The following CTNNA2 variants were observed in gnomAD, a reference collection of about 807,000 sequenced individuals.
CTNNA2 encodes the protein catenin alpha-2.
Under a neutral mutation model 101.0 loss-of-function variants are expected in CTNNA2, and 42 were observed. The ratio of observed to expected loss-of-function variants is 0.42; its 90% confidence interval spans 0.32 to 0.54. The LOEUF (loss-of-function observed/expected upper bound fraction) is 0.54. CTNNA2 is among the 20% of genes least tolerant of loss of function. The pLI, the probability that CTNNA2 is intolerant of heterozygous loss-of-function variation, is 0.14. For missense variants in CTNNA2, 871 were observed against 1,223.1 expected (o/e 0.71, Z 4.29); for synonymous variants, 450 against 456.4 (o/e 0.99, Z 0.18).
chr2:80,646,873 T>G (rs999149238), intron 18 of CTNNA2, among the ~76,000 whole-genome samples: 2 of 152,018 alleles, frequency 1.3e-5, no homozygotes, highest in African/African-American at 2.4e-5. Context: ...ATGTATCAGC[T>G]CTCTCATTCT....
chr2:79,538,643 T>G (rs1286590235), intron 1 of CTNNA2, among the ~76,000 whole-genome samples: 2 of 151,964 alleles, frequency 1.3e-5, no homozygotes, highest in Admixed American at 1.3e-4. Context: ...TGACCCAAAG[T>G]AGGGGAGCTC....
rs1553385613 is a variant in CTNNA2, at chr2:79,243,003, C to CACACACAT, written c.-406+44934_-406+44935insTACACACA. ...ATATATATATATATATACACACACA[C>CACACACAT]ACACACACACACACACACACACACA... On this transcript the variant is annotated intron_variant, in intron 2 of 21. Coordinates refer to the CTNNA2 transcript ENST00000466387. 6.5e-3 allele frequency among the ~76,000 whole-genome samples: 879 copies of CACACACAT among 134,286 alleles called. 10 individuals are homozygous for CACACACAT. Among genetic ancestry groups the CACACACAT allele is most frequent in the South Asian group, 8.5e-3 (35 of 4,110 alleles). 88.1% of individuals were successfully genotyped at this position (134,286 alleles called of 152,430 possible). A position where few individuals can be genotyped will look rare whatever the true frequency, so the allele number is the denominator to read the frequency against.
chr2:80,031,249 C>T (rs114216203), intron 7 of CTNNA2, among the ~76,000 whole-genome samples: 313 of 152,250 alleles, frequency 2.1e-3, no homozygotes, highest in African/African-American at 6.8e-3. Flanking sequence ...GTATATAACA[C>T]GTTAACATTG....
At chr2:80,102,146 A>G (rs1700585862) in intron 7 of CTNNA2, among the ~76,000 whole-genome samples, 1 of 152,134 alleles carries the variant, frequency 6.6e-6, no homozygotes, top group African/African-American at 2.4e-5. Context: ...TTAGTAGGCA[A>G]TGAGTATTTG....
At chr2:80,354,972 A>G (rs558209113) in intron 7 of CTNNA2, among the ~76,000 whole-genome samples, 83 of 152,172 alleles carry the variant, frequency 5.5e-4, no homozygotes, top group African/African-American at 1.9e-3. Context: ...TTGTACAGGG[A>G]GTGCACTTAG....
chr2:79,410,600 A>G (rs1305298371), intron 4 of CTNNA2, among the ~76,000 whole-genome samples: 5 of 151,992 alleles, frequency 3.3e-5, no homozygotes, highest in Admixed American at 2.0e-4. Flanking sequence ...GCTGGATTAC[A>G]TTTATTGATT....
At chr2:80,273,719 C>T (rs1673677091) in intron 7 of CTNNA2, among the ~76,000 whole-genome samples, 1 of 152,044 alleles carries the variant, frequency 6.6e-6, no homozygotes, top group Admixed American at 6.6e-5. Context: ...ATAGTCTCCT[C>T]TGCTTGCAAT....
intron 7 of CTNNA2, among the ~76,000 whole-genome samples, chr2:80,066,016 T>G (rs1697962787): frequency 6.6e-6 from 1 of 152,204 alleles, no homozygotes; most frequent in African/African-American, 2.4e-5. Context: ...TGGTGACTAG[T>G]ACTCCCACTA....
intron 9 of CTNNA2, among the ~76,000 whole-genome samples, chr2:80,480,141 T>C (rs1181653796): frequency 2.0e-5 from 3 of 152,116 alleles, no homozygotes; most frequent in Non-Finnish European, 2.9e-5. Flanking sequence ...TATTTGCATG[T>C]TAATATAATT....
chr2:79,605,984 T>G (rs1463818046), intron 1 of CTNNA2, among the ~76,000 whole-genome samples: 1 of 152,192 alleles, frequency 6.6e-6, no homozygotes, highest in East Asian at 1.9e-4. Context: ...ATTACATTTT[T>G]AAAATGCTGA....
Position 79,222,077 on chromosome 2 carries a change from C to T in CTNNA2, c.-406+24001C>T, listed in dbSNP as rs994457290. On this transcript the variant is annotated intron_variant, in intron 2 of 21. Coordinates refer to the CTNNA2 transcript ENST00000466387. ...TGGTGCCCCATTCCAGGAGAGAGTTCTCAGAACTGGCTGTGTTCAGAGAGC... is the reference window on the plus strand; with the variant it reads ...TGGTGCCCCATTCCAGGAGAGAGTTTTCAGAACTGGCTGTGTTCAGAGAGC... Among the ~76,000 whole-genome samples, 16 of 152,256 alleles carry T rather than the reference C, an allele frequency of 1.1e-4. 1 individual carries two copies. Among genetic ancestry groups the T allele is most frequent in the African/African-American group, 3.9e-4 (16 of 41,550 alleles).
At chr2:80,232,365 T>G (rs796977808) in intron 7 of CTNNA2, among the ~76,000 whole-genome samples, 26,620 of 70,846 alleles carry the variant, frequency 0.38, 4,140 homozygotes, top group South Asian at 0.51. Context: ...TTTTTTTTTT[T>G]TTTTTTTTTT....
At chr2:79,797,994 A>G (rs1039148560) in intron 3 of CTNNA2, among the ~76,000 whole-genome samples, 1 of 151,960 alleles carries the variant, frequency 6.6e-6, no homozygotes, top group Non-Finnish European at 1.5e-5. Flanking sequence ...TTTTTCTCAT[A>G]TGTATATTCC....
chr2:79,849,419 A>G (rs1400796656), intron 3 of CTNNA2, among the ~76,000 whole-genome samples: 3 of 152,038 alleles, frequency 2.0e-5, no homozygotes, highest in African/African-American at 7.2e-5. Flanking sequence ...CTTGGTGCTT[A>G]AAGTGTCCAC....
At chr2:79,670,915 A>G (rs751097684) in intron 2 of CTNNA2, among the ~76,000 whole-genome samples, 2 of 152,230 alleles carry the variant, frequency 1.3e-5, no homozygotes, top group East Asian at 1.9e-4. Context: ...TCAAGACTGT[A>G]AAGAAGTTTT....
intron 4 of CTNNA2, among the ~76,000 whole-genome samples, chr2:79,446,335 T>C (rs573432970): frequency 6.6e-6 from 1 of 152,112 alleles, no homozygotes; most frequent in Non-Finnish European, 1.5e-5. Context: ...CTTTCCCAAA[T>C]ACCAAGGGTG....
At chr2:80,403,442 T>G (rs1678748166) in intron 8 of CTNNA2, among the ~76,000 whole-genome samples, 2 of 152,224 alleles carry the variant, frequency 1.3e-5, no homozygotes, top group African/African-American at 4.8e-5. Flanking sequence ...TGGTTGTCTT[T>G]TAGGTTGTCT....
intron 7 of CTNNA2, among the ~76,000 whole-genome samples, chr2:80,077,556 A>G (rs559769412): frequency 1.3e-4 from 20 of 151,510 alleles, no homozygotes; most frequent in African/African-American, 4.6e-4. Flanking sequence ...TGAGACCAGC[A>G]TGGGCAACAA....
intron 7 of CTNNA2, among the ~76,000 whole-genome samples, chr2:80,197,653 A>G (rs186390891): frequency 3.9e-5 from 6 of 152,192 alleles, no homozygotes; most frequent in African/African-American, 1.4e-4. Flanking sequence ...CTCTCTACAG[A>G]TAACTACTGT....
Sources: gnomAD v4.1 joint callset for allele counts (sites outside exome capture counted in the v4.1 genomes callset) on GRCh38, gnomAD v4.1.1 for gene constraint, MANE v1.5 for transcripts, NCBI Gene and HGNC (gene_info 2026-07-23, HGNC 2026-07-21) for gene names.